Variants in ARSJ observed in about 807,000 individuals in gnomAD.
ARSJ encodes the protein arylsulfatase J.
ARSJ carries 26 observed loss-of-function variants against 35.9 expected under a neutral mutation model. That is an observed-to-expected ratio of 0.72 (90% CI 0.53 to 1.00). The LOEUF (loss-of-function observed/expected upper bound fraction) is 1.00, where lower values mean the gene tolerates loss of function less well. Ranked by LOEUF, ARSJ falls within the 50% of genes least tolerant of loss-of-function variation. The probability of loss-of-function intolerance (pLI) is 0.00; values close to 1 mark genes in which losing one functional copy is unlikely to be tolerated. For missense variants in ARSJ, 667 were observed against 723.6 expected, an observed-to-expected ratio of 0.92 and a Z score of 0.90; for synonymous variants, 294 against 267.6, an observed-to-expected ratio of 1.10 and a Z score of -0.96.
intron 1 of ARSJ, among the ~76,000 whole-genome samples, chr4:113,950,624 T>G (rs936250691): frequency 1.3e-5 from 2 of 152,062 alleles, no homozygotes; most frequent in Non-Finnish European, 2.9e-5. Context: ...GATAGTAATT[T>G]TGCTTCAAAA....
intron 1 of ARSJ, among the ~76,000 whole-genome samples, chr4:113,939,423 C>T (rs1260898978): frequency 6.6e-6 from 1 of 151,844 alleles, no homozygotes; most frequent in Non-Finnish European, 1.5e-5. Context: ...TGGGTATATA[C>T]CCAGTAATGG....
At chr4:113,936,545 G>T (rs1724777802) in intron 1 of ARSJ, among the ~76,000 whole-genome samples, 1 of 151,764 alleles carries the variant, frequency 6.6e-6, no homozygotes, top group Non-Finnish European at 1.5e-5. Flanking sequence ...CAGCTAGAAT[G>T]AAAAATAGTG....
Position 113,978,664 on chromosome 4 carries a change from G to A in ARSJ, c.171C>T (p.Ala57=). Residue 57 remains alanine, a synonymous_variant, in exon 1 of 2, where the codon GCC becomes GCT. Transcript: ENST00000315366. The part of the protein sequence containing the change: ...GQALEEEEEG[A]LLAQAGEKLE... Reference sequence around the variant, plus strand: ...GTTTCTCTCCAGCTTGAGCTAGTAAGGCCCCTTCTTCCTCCTCTTCTAAGG... The same window carrying A: ...GTTTCTCTCCAGCTTGAGCTAGTAAAGCCCCTTCTTCCTCCTCTTCTAAGG... 1.2e-6 allele frequency: 2 copies of A among 1,614,226 alleles called. No homozygotes were observed. The highest frequency in any genetic ancestry group is 1.7e-6 in the Non-Finnish European group (2 of 1,180,024).
chr4:113,954,898 A>T (rs1331761712), intron 1 of ARSJ, among the ~76,000 whole-genome samples: 1 of 151,828 alleles, frequency 6.6e-6, no homozygotes, highest in Admixed American at 6.6e-5. Context: ...TTTTCTTTGC[A>T]CTTATCTGTC....
chr4:113,928,359 A>G (rs1724212595), intron 1 of ARSJ, among the ~76,000 whole-genome samples: 2 of 152,102 alleles, frequency 1.3e-5, no homozygotes, highest in South Asian at 4.1e-4. Context: ...CCTTCATTCA[A>G]GGGGTTTGGG....
At chr4:113,929,221 A>C (rs113704343) in intron 1 of ARSJ, among the ~76,000 whole-genome samples, 448 of 152,068 alleles carry the variant, frequency 2.9e-3, no homozygotes, top group Non-Finnish European at 4.8e-3. Flanking sequence ...GCATCTCCTC[A>C]TGGGTTACAC....
intron 1 of ARSJ, among the ~76,000 whole-genome samples, chr4:113,968,014 T>C (rs1330878185): frequency 6.6e-6 from 1 of 152,228 alleles, no homozygotes; most frequent in Non-Finnish European, 1.5e-5. Flanking sequence ...CAAACATTCA[T>C]TAACTATTTA....
intron 1 of ARSJ, among the ~76,000 whole-genome samples, chr4:113,969,767 CA>C (rs1369369221): frequency 4.6e-5 from 7 of 152,150 alleles, no homozygotes; most frequent in Non-Finnish European, 7.4e-5. Context: ...CATTGCCTGC[CA>C]GGGGGAAATA....
chr4:113,948,751 C>T (rs920129768), intron 1 of ARSJ, among the ~76,000 whole-genome samples: 5 of 152,042 alleles, frequency 3.3e-5, no homozygotes, highest in South Asian at 2.1e-4. Context: ...GGAAACAATC[C>T]AGCACTGTGA....
chr4:113,977,011 CTTA>C (rs1306006683), intron 1 of ARSJ, among the ~76,000 whole-genome samples: 2 of 152,184 alleles, frequency 1.3e-5, no homozygotes, highest in African/African-American at 4.8e-5. Flanking sequence ...AGTTCAGTTA[CTTA>C]TTTTCAACCA....
chr4:113,916,434 T>C (rs575347314), intron 1 of ARSJ, among the ~76,000 whole-genome samples: 207 of 152,254 alleles, frequency 1.4e-3, no homozygotes, highest in African/African-American at 4.8e-3. Flanking sequence ...TGGTGAGGTA[T>C]AGAATAAAGT....
rs994733175 is a variant in ARSJ at position 113,902,857 on chromosome 4, G to T, written c.1217C>A (p.Thr406Asn). The change falls in exon 2 of 2, where the codon ACC becomes AAC. Residue 406 changes from threonine to asparagine, a missense_variant. Thr to Asn is a moderately conservative substitution (Grantham distance 65). Coordinates refer to ENST00000315366, the MANE Select transcript of ARSJ (RefSeq NM_024590.4). ...IQLDGYDIWE[T>N]ISEGLRSPRV... ...GGGTGAGCGAAGACCCTCACTTATG[G>T]TCTCCCAGATATCATAGCCATCTAG... 2 of 1,614,092 alleles carry T rather than the reference G, an allele frequency of 1.2e-6. No individual in the cohort carries two copies. The highest frequency in any genetic ancestry group is 1.3e-5 in the African/African-American group (1 of 74,992).
chr4:113,937,483 A>G (rs1724836481), intron 1 of ARSJ, among the ~76,000 whole-genome samples: 2 of 152,098 alleles, frequency 1.3e-5, no homozygotes, highest in African/African-American at 4.8e-5. Context: ...CGGCCACAAG[A>G]AAAGGATGCC....
chr4:113,939,786 TG>T (rs1429097077), intron 1 of ARSJ, among the ~76,000 whole-genome samples: 1 of 152,012 alleles, frequency 6.6e-6, no homozygotes, highest in Non-Finnish European at 1.5e-5. Context: ...TTTTGTTTTT[TG>T]TAAATTTGAG....
chr4:113,936,281 C>G (rs2149266804), intron 1 of ARSJ, among the ~76,000 whole-genome samples: 1 of 151,962 alleles, frequency 6.6e-6, no homozygotes, highest in South Asian at 2.1e-4. Flanking sequence ...GAAAAACAGA[C>G]TCATCACTGA....
At chr4:113,962,332 T>C (rs1162094523) in intron 1 of ARSJ, among the ~76,000 whole-genome samples, 1 of 152,040 alleles carries the variant, frequency 6.6e-6, no homozygotes, top group East Asian at 1.9e-4. Flanking sequence ...AAAAAATCTA[T>C]AACTGCAATC....
At chr4:113,931,761 C>T (rs1166756287) in intron 1 of ARSJ, among the ~76,000 whole-genome samples, 1 of 151,794 alleles carries the variant, frequency 6.6e-6, no homozygotes, top group African/African-American at 2.4e-5. Context: ...TAATAAAAAC[C>T]ATTAGAATCA....
intron 1 of ARSJ, among the ~76,000 whole-genome samples, chr4:113,973,489 G>A (rs1166098912): frequency 6.6e-6 from 1 of 152,046 alleles, no homozygotes; most frequent in Admixed American, 6.6e-5. Flanking sequence ...CTCTTCAACT[G>A]TACTTCTGCA....
chr4:113,905,660 A>ATTTTTTT lies in ARSJ; in HGVS notation c.399-1992_399-1986dup, dbSNP rs766150372. Among the ~76,000 whole-genome samples, 72 of 81,848 alleles carry ATTTTTTT rather than the reference A, an allele frequency of 8.8e-4. 9 individuals are homozygous for ATTTTTTT. Among genetic ancestry groups the ATTTTTTT allele is most frequent in the East Asian group, 3.4e-3 (9 of 2,632 alleles). 53.7% of individuals were successfully genotyped at this position (81,848 alleles called of 152,430 possible). Reference sequence around the variant, plus strand: ...GAAGGCATTGTTACTGTTCTTGATAATTTTTTTTTTTTTTTTTTTTTTTTT... The same window carrying ATTTTTTT: ...GAAGGCATTGTTACTGTTCTTGATAATTTTTTTTTTTTTTTTTTTTTTTTTTTTTTTT... On this transcript the variant is annotated intron_variant, in intron 1 of 1. Transcript: ENST00000315366.
Sources: gnomAD v4.1 joint callset for allele counts (sites outside exome capture counted in the v4.1 genomes callset) on GRCh38, gnomAD v4.1.1 for gene constraint, MANE v1.5 for transcripts, NCBI Gene and HGNC (gene_info 2026-07-23, HGNC 2026-07-21) for gene names.